The following CCN4 variants were observed in gnomAD, a reference collection of about 807,000 sequenced individuals.
CCN4 encodes CCN family member 4.
A neutral mutation model predicts 36.7 loss-of-function variants in CCN4; 30 were observed. That is an observed-to-expected ratio of 0.82 (90% CI 0.61 to 1.11). The LOEUF (loss-of-function observed/expected upper bound fraction) is 1.11, where lower values mean the gene tolerates loss of function less well. Among genes scored for constraint, CCN4 ranks in the 50% least tolerant of loss-of-function variants. The probability of loss-of-function intolerance (pLI) is 0.00; values close to 1 mark genes in which losing one functional copy is unlikely to be tolerated. For synonymous variants in CCN4, 191 were observed against 195.4 expected (o/e 0.98, Z 0.19); for missense variants, 505 against 504.9 (o/e 1.00, Z 0.00).
intron 1 of CCN4, among the ~76,000 whole-genome samples, chr8:133,199,021 G>A (rs1409999353): frequency 6.6e-6 from 1 of 152,256 alleles, no homozygotes; most frequent in Admixed American, 6.5e-5. Flanking sequence ...GGGAGAATAT[G>A]TGTATAGGAG....
Position 133,231,590 on chromosome 8 carries a change from A to G in CCN4, c.*3880A>G, listed in dbSNP as rs987087161. On this transcript the variant is annotated 3_prime_UTR_variant, in exon 5 of 5. Coordinates refer to ENST00000250160, the MANE Select transcript of CCN4 (RefSeq NM_003882.4). Reference sequence around the variant, plus strand: ...TTCCTTAAGGTAATAAACCATCAGCAAAGTCACATACTGGAGTTGGTGGCT... The same window carrying G: ...TTCCTTAAGGTAATAAACCATCAGCGAAGTCACATACTGGAGTTGGTGGCT... 2.0e-5 allele frequency: 3 copies of G among 152,218 alleles called. No homozygotes were observed. Among genetic ancestry groups the G allele is most frequent in the Non-Finnish European group, 4.4e-5 (3 of 68,050 alleles). The allele number at this position is 152,218 out of a possible 1,614,324, so 9.4% of individuals were successfully genotyped here.
At chr8:133,225,308 C>G in intron 3 of CCN4, 82 bp from the exon 4 acceptor site, 1 of 1,419,140 alleles carries the variant, frequency 7.0e-7, no homozygotes, top group Middle Eastern at 2.6e-4. Context: ...TTCTGGGGAC[C>G]GCAGACCTTA....
chr8:133,200,447 G>A (rs1027505850), intron 1 of CCN4, among the ~76,000 whole-genome samples: 8 of 152,198 alleles, frequency 5.3e-5, no homozygotes, highest in Admixed American at 3.3e-4. Flanking sequence ...TCTTCCACCC[G>A]TGTCTGTGTT....
intron 3 of CCN4, among the ~76,000 whole-genome samples, chr8:133,224,130 G>A (rs1488709159): frequency 6.6e-6 from 1 of 151,916 alleles, no homozygotes; most frequent in Non-Finnish European, 1.5e-5. Context: ...GGGATCCTGA[G>A]GCAAGGAGGT....
In CCN4 at chr8:133,220,739, C is replaced by T. The variant is rs1335254241; in HGVS notation, c.508C>T (p.Pro170Ser). 1 of 1,613,578 alleles carries T rather than the reference C, an allele frequency of 6.2e-7. No individual in the cohort carries two copies. Among genetic ancestry groups the T allele is most frequent in the Non-Finnish European group, 8.5e-7 (1 of 1,179,954 alleles). Reference protein sequence around the residue: ...VRPPRLWCPHPRRVSIPGHCC... With the variant: ...VRPPRLWCPHSRRVSIPGHCC... ...CCCCCCGCGTCTCTGGTGCCCCCAC[C>T]CGCGGCGCGTGAGCATACCTGGCCA... is the stretch of plus-strand genomic sequence containing the variant. The change falls in exon 3 of 5, where the codon CCG becomes TCG. Residue 170 changes from proline (P) to serine (S), a missense_variant. Pro to Ser is a moderately conservative substitution (Grantham distance 74, BLOSUM62 -1). Coordinates refer to ENST00000250160, the MANE Select transcript of CCN4 (RefSeq NM_003882.4).
At chr8:133,208,653 A>G (rs1262923212) in intron 1 of CCN4, among the ~76,000 whole-genome samples, 2 of 152,024 alleles carry the variant, frequency 1.3e-5, no homozygotes, top group Non-Finnish European at 2.9e-5. Flanking sequence ...GTGCCTGTGC[A>G]CTTGAGGGTC....
Position 133,194,256 on chromosome 8 carries a change from TG to T in CCN4, c.69+3048del, listed in dbSNP as rs1853223160. Among the ~76,000 whole-genome samples, 8 of 140,054 alleles carry T rather than the reference TG, an allele frequency of 5.7e-5. No homozygotes were observed. The South Asian group carries it at 1.9e-3, about 34-fold the overall frequency. 91.9% of individuals were successfully genotyped at this position (140,054 alleles called of 152,430 possible). ...TGGGGTGTGTTTGTGAGAGGGTGTG[TG>T]GGGGTATGCGTATGGTGTGTATGTG... On this transcript the variant is annotated intron_variant, in intron 1 of 4. Transcript: ENST00000250160.
intron 2 of CCN4, 115 bp downstream of exon 2, chr8:133,213,258 A>G (rs889068612): frequency 9.1e-5 from 118 of 1,295,458 alleles, no homozygotes; most frequent in Non-Finnish European, 1.1e-4. Flanking sequence ...TCCGTTCAGC[A>G]GGAGATACAC....
chr8:133,215,633 C>G (rs1854293601), intron 2 of CCN4, among the ~76,000 whole-genome samples: 1 of 152,062 alleles, frequency 6.6e-6, no homozygotes, highest in South Asian at 2.1e-4. Context: ...TCCTCCTCAC[C>G]CCCTATCTCT....
At chr8:133,211,538 C>A (rs1854033383) in intron 1 of CCN4, among the ~76,000 whole-genome samples, 1 of 152,164 alleles carries the variant, frequency 6.6e-6, no homozygotes, top group African/African-American at 2.4e-5. Context: ...TGCCTTCCTC[C>A]CCTGTAAAGG....
intron 1 of CCN4, among the ~76,000 whole-genome samples, chr8:133,212,249 A>G (rs1431879425): frequency 6.6e-6 from 1 of 152,166 alleles, no homozygotes; most frequent in African/African-American, 2.4e-5. Context: ...TCACTCCCCA[A>G]GGGCTGGGGC....
At chr8:133,199,903 A>C (rs1853526408) in intron 1 of CCN4, among the ~76,000 whole-genome samples, 1 of 152,136 alleles carries the variant, frequency 6.6e-6, no homozygotes, top group African/African-American at 2.4e-5. Context: ...CGAGAGCCCT[A>C]TGTGGCAGGA....
At chr8:133,200,739 A>G (rs1853559623) in intron 1 of CCN4, among the ~76,000 whole-genome samples, 1 of 152,316 alleles carries the variant, frequency 6.6e-6, no homozygotes, top group Non-Finnish European at 1.5e-5. Flanking sequence ...TTTGATGATC[A>G]GGAAACTGAC....
rs1241421127 is a variant in CCN4, at chr8:133,231,263, A to G, written c.*3553A>G. 1 of 152,202 alleles carries G rather than the reference A, an allele frequency of 6.6e-6. No individual in the cohort carries two copies. Among genetic ancestry groups the G allele is most frequent in the Non-Finnish European group, 1.5e-5 (1 of 68,038 alleles). 9.4% of individuals were successfully genotyped at this position (152,202 alleles called of 1,614,324 possible). A position where few individuals can be genotyped will look rare whatever the true frequency, so the allele number is the denominator to read the frequency against. On this transcript the variant is annotated 3_prime_UTR_variant, in exon 5 of 5. Transcript: ENST00000250160. ...CTTGTCTTGATCCAAAGCAGTCACA[A>G]TGATAACCCTGCATATCTGGGAATC...
At chr8:133,206,784 T>C (rs1271562435) in intron 1 of CCN4, among the ~76,000 whole-genome samples, 1 of 151,996 alleles carries the variant, frequency 6.6e-6, no homozygotes, top group Non-Finnish European at 1.5e-5. Flanking sequence ...GGAATTAAGG[T>C]CCCAGAACTA....
chr8:133,205,084 G>T (rs1003964305), intron 1 of CCN4, among the ~76,000 whole-genome samples: 2 of 152,216 alleles, frequency 1.3e-5, no homozygotes, highest in Non-Finnish European at 2.9e-5. Context: ...GGAGGGAGGG[G>T]TATGGCAGGA....
At chr8:133,212,753 T>A in intron 1 of CCN4, 111 bp from the exon 2 acceptor site, 1 of 861,034 alleles carries the variant, frequency 1.2e-6, no homozygotes, top group Non-Finnish European at 1.8e-6. Flanking sequence ...AAAAAATAAT[T>A]TTATGAAAAC....
chr8:133,219,506 T>C (rs1854440974), intron 2 of CCN4, among the ~76,000 whole-genome samples: 1 of 152,208 alleles, frequency 6.6e-6, no homozygotes, highest in Non-Finnish European at 1.5e-5. Context: ...CCAGCAGCAC[T>C]AGAGGCTGCA....
chr8:133,206,295 A>G (rs1202864426), intron 1 of CCN4, among the ~76,000 whole-genome samples: 1 of 152,152 alleles, frequency 6.6e-6, no homozygotes, highest in East Asian at 1.9e-4. Context: ...CCATCATGAC[A>G]GACCTGGGTG....
Sources: allele counts gnomAD v4.1 joint callset (sites outside exome capture counted in the v4.1 genomes callset), GRCh38; gene constraint gnomAD v4.1.1; transcripts MANE v1.5; gene names NCBI Gene and HGNC (gene_info 2026-07-23, HGNC 2026-07-21).